The following NCAPG variants were observed in gnomAD, a reference collection of about 807,000 sequenced individuals.
NCAPG encodes condensin complex subunit 3.
NCAPG carries 69 observed loss-of-function variants against 113.1 expected under a neutral mutation model. The observed-to-expected ratio is 0.61, with a 90% confidence interval of 0.50 to 0.75. The LOEUF (loss-of-function observed/expected upper bound fraction) is 0.75. Among genes scored for constraint, NCAPG ranks in the 30% least tolerant of loss-of-function variants. The probability of loss-of-function intolerance (pLI) is 0.00; values close to 1 mark genes in which losing one functional copy is unlikely to be tolerated. For missense variants in NCAPG, 1,058 were observed against 1,177.0 expected (o/e 0.90, Z 1.48); for synonymous variants, 370 against 415.8 (o/e 0.89, Z 1.34).
Position 17,844,585 on chromosome 4 carries a change from A to AAAT in NCAPG, c.*1162_*1164dup, listed in dbSNP as rs765017352. ...ATGGTAATGATAGAAAGTCAGTTAAAAATAGATGATTGTTCTTCATTCTGT... is the reference window on the plus strand; with the variant it reads ...ATGGTAATGATAGAAAGTCAGTTAAAAATAATAGATGATTGTTCTTCATTCTGT... On this transcript the variant is annotated 3_prime_UTR_variant, in exon 21 of 21. Transcript: ENST00000251496. 2.6e-4 allele frequency: 40 copies of AAAT among 152,550 alleles called. No individual in the cohort carries two copies. Among genetic ancestry groups the AAAT allele is most frequent in the Admixed American group, 6.5e-4 (10 of 15,284 alleles). The allele number at this position is 152,550 out of a possible 1,614,324, so 9.4% of individuals were successfully genotyped here.
Position 17,812,899 on chromosome 4 carries a change from G to C in NCAPG, c.316-18G>C. The C allele has an allele frequency of 6.3e-7, 1 of 1,599,714 alleles. No homozygotes were observed. The highest frequency in any genetic ancestry group is 1.3e-5 in the African/African-American group (1 of 74,648). ...TGGTATGTGACTATGAATAAATTTTGATTTGTTTCTGTTTTAGTCTCATGA... is the reference window on the plus strand; with the variant it reads ...TGGTATGTGACTATGAATAAATTTTCATTTGTTTCTGTTTTAGTCTCATGA... On this transcript the variant is annotated intron_variant, in intron 2 of 20. Coordinates refer to ENST00000251496, the MANE Select transcript of NCAPG (RefSeq NM_022346.5).
intron 13 of NCAPG, among the ~76,000 whole-genome samples, chr4:17,831,666 A>G (rs572304553): frequency 1.4e-4 from 21 of 152,296 alleles, no homozygotes; most frequent in Non-Finnish European, 2.9e-5. Flanking sequence ...AGAGGCAAGA[A>G]TAAGGGAATA....
intron 7 of NCAPG, among the ~76,000 whole-genome samples, chr4:17,819,497 G>A (rs1340546854): frequency 1.3e-5 from 2 of 152,068 alleles, no homozygotes; most frequent in South Asian, 2.1e-4. Context: ...CGCCTCCCGG[G>A]TTCAAGCGAT....
At chr4:17,842,459 G>C (rs1722504589) in intron 20 of NCAPG, 80 bp downstream of exon 20, 2 of 1,098,086 alleles carry the variant, frequency 1.8e-6, no homozygotes, top group Non-Finnish European at 2.8e-6. Context: ...TAATTTTCTT[G>C]CGAATGAGAG....
chr4:17,837,131 T>C, intron 14 of NCAPG, 28 bp from the exon 15 acceptor site: 1 of 1,601,974 alleles, frequency 6.2e-7, no homozygotes, highest in Non-Finnish European at 8.5e-7. Flanking sequence ...ACAAATAAAT[T>C]TCTTCTAATG....
Position 17,825,421 on chromosome 4 carries a change from G to A in NCAPG, c.1513G>A (p.Ala505Thr), listed in dbSNP as rs1178506624. ...AGTTAAGCTTATCGAAGCCAAAGAAGCTTTGGAAAATTGCATTACCTTACA... is the reference window on the plus strand; with the variant it reads ...AGTTAAGCTTATCGAAGCCAAAGAAACTTTGGAAAATTGCATTACCTTACA... The part of the protein sequence containing the change: ...IKVKLIEAKE[A>T]LENCITLQDF... The change falls in exon 11 of 21, where the codon GCT becomes ACT. Residue 505 changes from alanine (A) to threonine (T), a missense_variant. Coordinates refer to ENST00000251496, the MANE Select transcript of NCAPG (RefSeq NM_022346.5). 1.9e-6 allele frequency: 3 copies of A among 1,598,262 alleles called. No homozygotes were observed. Among genetic ancestry groups the A allele is most frequent in the Middle Eastern group, 1.8e-4 (1 of 5,508 alleles).
chr4:17,843,242 TATAA>T (rs2109077053), intron 20 of NCAPG, 56 bp from the exon 21 acceptor site: 2 of 1,544,850 alleles, frequency 1.3e-6, no homozygotes, highest in Middle Eastern at 1.8e-4. Flanking sequence ...AAGTTTTATT[TATAA>T]ATAAACTGGT....
At chr4:17,839,375 T>C (rs1240781169) in intron 16 of NCAPG, among the ~76,000 whole-genome samples, 1 of 152,132 alleles carries the variant, frequency 6.6e-6, no homozygotes, top group African/African-American at 2.4e-5. Flanking sequence ...AAGTCCACCA[T>C]TGTCAGCCTG....
Position 17,811,140 on chromosome 4 carries a change from C to T in NCAPG, c.63C>T (p.His21=), listed in dbSNP as rs1720907572. 8 of 1,519,454 alleles carry T rather than the reference C, an allele frequency of 5.3e-6. No individual in the cohort carries two copies. Among genetic ancestry groups the T allele is most frequent in the Non-Finnish European group, 7.1e-6 (8 of 1,133,316 alleles). 94.1% of individuals were successfully genotyped at this position (1,519,454 alleles called of 1,614,324 possible). The change falls in exon 1 of 21, where the codon CAC becomes CAT. Residue 21 remains histidine, a synonymous_variant. Transcript: ENST00000251496. This position sits in a 1 kb window ranked among gnomAD's most constrained non-coding sequence, Gnocchi z 5.3. ...CCTTTCGGCTGGCGCAGCAGCCGCA[C>T]CAGAACCAGGCGAAGCTGGTGGTGG... ...KEAFRLAQQP[H]QNQAKLVVAL... is the part of the protein sequence containing the mutation.
intron 20 of NCAPG, chr4:17,842,600 A>ACTAT (rs1003228362): frequency 1.4e-4 from 65 of 473,844 alleles, no homozygotes; most frequent in East Asian, 7.3e-4. Context: ...GGTCTTTAGT[A>ACTAT]CTATCTTTAA....
In NCAPG at chr4:17,837,289, A is replaced by C; in HGVS notation, c.2240A>C (p.Gln747Pro). 6.8e-6 allele frequency: 11 copies of C among 1,613,998 alleles called. No individual in the cohort carries two copies. The highest frequency in any genetic ancestry group is 5.9e-6 in the Non-Finnish European group (7 of 1,179,936). ...WYNPVTEEDV[Q>P]LRHCLGVFFP... ...AATCCTGTGACTGAAGAGGATGTTC[A>C]ACTTCGACATTGCCTAGGCGTGTTC... Residue 747 changes from glutamine to proline, a missense_variant, in exon 15 of 21, where the codon CAA (glutamine) becomes CCA (proline). Gln to Pro is a moderately conservative substitution (Grantham distance 76, BLOSUM62 -1). Coordinates refer to ENST00000251496, the MANE Select transcript of NCAPG (RefSeq NM_022346.5).
At position 17,811,158 on chromosome 4, in the gene NCAPG, G is replaced by C. The variant is rs371796913; in HGVS notation, c.81G>C (p.Leu27=). The change falls in exon 1 of 21, where the codon CTG becomes CTC. Residue 27 remains leucine, a synonymous_variant. Coordinates refer to ENST00000251496, the MANE Select transcript of NCAPG (RefSeq NM_022346.5). This position sits in a 1 kb window ranked among gnomAD's most constrained non-coding sequence, Gnocchi z 5.3. ...AQQPHQNQAK[L]VVALSRTYRT... ...AGCCGCACCAGAACCAGGCGAAGCT[G>C]GTGGTGGCGCTGAGCCGCACCTACC... 4.0e-5 allele frequency: 60 copies of C among 1,514,862 alleles called. No homozygotes were observed. In the African/African-American group the frequency reaches 8.4e-4, roughly 21 times the overall value. 93.8% of individuals were successfully genotyped at this position (1,514,862 alleles called of 1,614,324 possible).
Position 17,828,584 on chromosome 4 carries a change from G to A in NCAPG, c.1764+196G>A, listed in dbSNP as rs556902323. 3.3e-4 allele frequency among the ~76,000 whole-genome samples: 50 copies of A among 152,162 alleles called. No individual in the cohort carries two copies. The South Asian group carries it at 9.9e-3, about 30-fold the overall frequency. ...AAGATGTCTGTAAAGGACCTGATAT[G>A]TAAATTACAGTCTTTTACATATTTT... On this transcript the variant is annotated intron_variant, in intron 12 of 20. Coordinates refer to ENST00000251496, the MANE Select transcript of NCAPG (RefSeq NM_022346.5).
At chr4:17,813,183 G>T in intron 3 of NCAPG, 38 bp downstream of exon 3, 2 of 1,530,330 alleles carry the variant, frequency 1.3e-6, no homozygotes, top group South Asian at 2.4e-5. Context: ...CAGATTTGTT[G>T]ATTTTGTTAA....
intron 14 of NCAPG, among the ~76,000 whole-genome samples, chr4:17,836,107 C>T (rs1333667306): frequency 6.6e-6 from 1 of 152,230 alleles, no homozygotes; most frequent in Non-Finnish European, 1.5e-5. Flanking sequence ...CATTTCTCCA[C>T]ATCCTTATTG....
chr4:17,827,717 A>G (rs989661908), intron 11 of NCAPG, among the ~76,000 whole-genome samples: 2 of 151,916 alleles, frequency 1.3e-5, no homozygotes, highest in Non-Finnish European at 2.9e-5. Context: ...TGAAACTTAG[A>G]AAATAGCTGG....
intron 11 of NCAPG, among the ~76,000 whole-genome samples, chr4:17,825,951 C>G (rs1446663934): frequency 6.6e-6 from 1 of 151,932 alleles, no homozygotes; most frequent in Non-Finnish European, 1.5e-5. Flanking sequence ...TTATTGCTAG[C>G]AAAATAATTT....
chr4:17,824,778 G>C (rs988922454), intron 9 of NCAPG, among the ~76,000 whole-genome samples, 190 bp from the exon 10 acceptor site: 7 of 149,012 alleles, frequency 4.7e-5, no homozygotes, highest in African/African-American at 1.8e-4. Flanking sequence ...TCATTTTGTA[G>C]TCAGATATAT....
chr4:17,836,781 G>T (rs543080485), intron 14 of NCAPG, among the ~76,000 whole-genome samples: 1 of 152,244 alleles, frequency 6.6e-6, no homozygotes, highest in African/African-American at 2.4e-5. Context: ...TGGAGCTTTT[G>T]CTTATAGATA....
Sources: gnomAD v4.1 joint callset for allele counts (sites outside exome capture counted in the v4.1 genomes callset) on GRCh38, gnomAD v4.1.1 for gene constraint, Gnocchi (gnomAD v3.1) non-coding constraint, MANE v1.5 for transcripts, NCBI Gene and HGNC (gene_info 2026-07-23, HGNC 2026-07-21) for gene names.